MDN1: variants seen among roughly 807,000 people sequenced by gnomAD.
MDN1 encodes midasin AAA ATPase 1, also known as midasin.
MDN1 carries 266 observed loss-of-function variants against 669.2 expected under a neutral mutation model. That is an observed-to-expected ratio of 0.40 (90% CI 0.36 to 0.44). MDN1 has a LOEUF of 0.44. MDN1 is among the 20% of genes least tolerant of loss of function. MDN1 has a pLI of 1.00. For missense variants in MDN1, 5,940 were observed against 6,754.0 expected, an observed-to-expected ratio of 0.88 and a Z score of 4.22; for synonymous variants, 2,385 against 2,457.1, an observed-to-expected ratio of 0.97 and a Z score of 0.87.
intron 91 of MDN1, among the ~76,000 whole-genome samples, chr6:89,656,371 C>G (rs1322005669): frequency 2.0e-5 from 3 of 151,992 alleles, no homozygotes; most frequent in African/African-American, 7.2e-5. Flanking sequence ...TAAAAAAAAA[C>G]TTACTCTTAA....
rs952097472 is a variant in MDN1 at position 89,695,167 on chromosome 6, G to C, written c.9771+438C>G. 6.6e-6 allele frequency among the ~76,000 whole-genome samples: 1 copy of C among 152,190 alleles called. No homozygotes were observed. The highest frequency in any genetic ancestry group is 1.5e-5 in the Non-Finnish European group (1 of 68,038). On this transcript the variant is annotated intron_variant, in intron 61 of 101. Coordinates refer to ENST00000369393, the MANE Select transcript of MDN1 (RefSeq NM_014611.3). This position sits in a 1 kb window ranked among gnomAD's most constrained non-coding sequence, Gnocchi z 4.1. ...GAATTGCTTGAACCCAGGAGGCAGA[G>C]GTTGCAGTGAGCCGAGATTGTGCCA...
At chr6:89,650,677 A>G (rs1204519204) in intron 96 of MDN1, 55 bp downstream of exon 96, 3 of 1,371,112 alleles carry the variant, frequency 2.2e-6, no homozygotes, top group Admixed American at 1.8e-5. Flanking sequence ...AACAGAATCA[A>G]TGAAGCTGCC....
At chr6:89,783,941 C>A (rs1385244914) in intron 9 of MDN1, among the ~76,000 whole-genome samples, 1 of 147,596 alleles carries the variant, frequency 6.8e-6, no homozygotes, top group Non-Finnish European at 1.5e-5. Context: ...AAGATCGTGC[C>A]ACAGAGTACT....
Position 89,760,977 on chromosome 6 carries a change from G to A in MDN1, c.2460+668C>T, listed in dbSNP as rs544030160. Among the ~76,000 whole-genome samples the A allele has an allele frequency of 1.9e-3, 294 of 152,176 alleles. 1 individual carries two copies. Among genetic ancestry groups the A allele is most frequent in the African/African-American group, 6.8e-3 (281 of 41,528 alleles). ...AGATCAAGATCATCCTGGCTAACACGGTGAAACCCCGTCTCTACTAAAAAT... is the reference window on the plus strand; with the variant it reads ...AGATCAAGATCATCCTGGCTAACACAGTGAAACCCCGTCTCTACTAAAAAT... On this transcript the variant is annotated intron_variant, in intron 17 of 101. Transcript: ENST00000369393.
At chr6:89,653,224 G>T in intron 93 of MDN1, 69 bp from the exon 94 acceptor site, 1 of 1,425,760 alleles carries the variant, frequency 7.0e-7, no homozygotes, top group South Asian at 1.3e-5. Flanking sequence ...CTTTGCTATT[G>T]CCTGTTAATC....
chr6:89,813,866 C>T (rs144514516), intron 1 of MDN1, among the ~76,000 whole-genome samples: 2 of 151,520 alleles, frequency 1.3e-5, no homozygotes, highest in African/African-American at 4.8e-5. Flanking sequence ...ACTGCTTGAG[C>T]CCAGGAGTTT....
chr6:89,779,478 G>A (rs1818535999), intron 11 of MDN1, among the ~76,000 whole-genome samples: 1 of 152,274 alleles, frequency 6.6e-6, no homozygotes, highest in Non-Finnish European at 1.5e-5. Context: ...TGGATTTATG[G>A]TGTCTTACAA....
At position 89,695,782 on chromosome 6, in the gene MDN1, G is replaced by A. The variant is rs566904897; in HGVS notation, c.9594C>T (p.Leu3198=). 9.3e-6 allele frequency: 15 copies of A among 1,613,650 alleles called. No individual in the cohort carries two copies. The highest frequency in any genetic ancestry group is 2.7e-5 in the African/African-American group (2 of 75,054). Residue 3198 remains leucine (L), a synonymous_variant, in exon 61 of 102, where the codon CTC becomes CTT. Transcript: ENST00000369393. This position sits in a 1 kb window ranked among gnomAD's most constrained non-coding sequence, Gnocchi z 4.1. ...VLPKELLCQL[L]TSLHHFVGEG... ...CACCAACAAAGTGGTGCAGGGAGGTGAGCAACTGGCAGAGCAGTTCCTTGG... is the reference window on the plus strand; with the variant it reads ...CACCAACAAAGTGGTGCAGGGAGGTAAGCAACTGGCAGAGCAGTTCCTTGG...
At position 89,658,906 on chromosome 6, in the gene MDN1, A is replaced by C; in HGVS notation, c.14725T>G (p.Leu4909Val). Reference protein sequence around the residue: ...DNEEGEEENPLEIKEKPEEAG... With the variant: ...DNEEGEEENPVEIKEKPEEAG... ...TCTTCTGGTTTTTCTTTTATCTCCA[A>C]AGGATTCTCTTCTGTATAGATACAA... The change falls in exon 89 of 102, where the codon TTG (leucine) becomes GTG (valine). Residue 4909 changes from leucine (L) to valine (V), a missense_variant. By Grantham distance (32) the Leu-to-Val change is conservative (BLOSUM62 1). This residue lies in a region of MDN1 where 2,280 missense variants were observed against 2,576.3 expected (regional missense o/e 0.88). Coordinates refer to ENST00000369393, the MANE Select transcript of MDN1 (RefSeq NM_014611.3). 1 of 1,611,594 alleles carries C rather than the reference A, an allele frequency of 6.2e-7. No individual in the cohort carries two copies. The highest frequency in any genetic ancestry group is 8.5e-7 in the Non-Finnish European group (1 of 1,179,300).
intron 33 of MDN1, among the ~76,000 whole-genome samples, chr6:89,734,716 A>AG (rs1562158027): frequency 2.0e-5 from 3 of 146,768 alleles, no homozygotes; most frequent in South Asian, 2.2e-4. Context: ...AGAGAGAGAG[A>AG]ACTCCCTGAT....
intron 93 of MDN1, among the ~76,000 whole-genome samples, chr6:89,653,844 A>G (rs1308453550): frequency 2.6e-5 from 4 of 152,208 alleles, no homozygotes; most frequent in Admixed American, 2.6e-4. Flanking sequence ...CATTTCTCTA[A>G]TACTATACCT....
At chr6:89,796,324 CAAAAAAAAA>C (rs35169575) in intron 2 of MDN1, among the ~76,000 whole-genome samples, 1 of 45,390 alleles carries the variant, frequency 2.2e-5, no homozygotes, top group African/African-American at 1.5e-4. Flanking sequence ...AACTCTGTCT[CAAAAAAAAA>C]AAAAAAAAAA....
chr6:89,747,890 CAAAAAA>C (rs55885838), intron 26 of MDN1, among the ~76,000 whole-genome samples: 2 of 84,042 alleles, frequency 2.4e-5, no homozygotes. Flanking sequence ...GACTCCGTCT[CAAAAAA>C]AAAAAAAAAA....
At chr6:89,688,887 G>C (rs975350706) in intron 65 of MDN1, 79 bp from the exon 66 acceptor site, 3 of 1,201,396 alleles carry the variant, frequency 2.5e-6, no homozygotes, top group Non-Finnish European at 3.6e-6. Flanking sequence ...GTCAGCAACA[G>C]GGCCAGGTGC....
chr6:89,807,036 G>GT (rs1255423489), intron 1 of MDN1, among the ~76,000 whole-genome samples: 3 of 151,974 alleles, frequency 2.0e-5, no homozygotes, highest in African/African-American at 7.2e-5. Flanking sequence ...TTATTTTGAA[G>GT]ATTTCTTAAG....
intron 91 of MDN1, 118 bp from the exon 92 acceptor site, chr6:89,656,086 A>G (rs896458273): frequency 1.1e-5 from 9 of 813,310 alleles, no homozygotes; most frequent in Admixed American, 2.8e-5. Context: ...CCATACAAGA[A>G]TGGAATTCAA....
At chr6:89,737,992 G>C (rs1271124307) in intron 33 of MDN1, among the ~76,000 whole-genome samples, 1 of 152,070 alleles carries the variant, frequency 6.6e-6, no homozygotes, top group African/African-American at 2.4e-5. Context: ...CCAAAGTGCT[G>C]GGATTACAGG....
At chr6:89,724,503 G>A (rs181399903) in intron 38 of MDN1, among the ~76,000 whole-genome samples, 180 of 152,208 alleles carry the variant, frequency 1.2e-3, no homozygotes, top group Middle Eastern at 6.8e-3. Flanking sequence ...GACTGGTCTC[G>A]AACTCCTGAC....
At chr6:89,666,805 C>G (rs61459265) in intron 84 of MDN1, among the ~76,000 whole-genome samples, 21,253 of 152,240 alleles carry the variant, frequency 0.14, 1,745 homozygotes, top group South Asian at 0.18. Context: ...AAGACCTCAT[C>G]TCTTAAAAAT....
Sources: allele counts gnomAD v4.1 joint callset (sites outside exome capture counted in the v4.1 genomes callset), GRCh38; gene constraint gnomAD v4.1.1; regional missense constraint gnomAD v4.1.1; non-coding constraint Gnocchi (gnomAD v3.1); transcripts MANE v1.5; gene names NCBI Gene and HGNC (gene_info 2026-07-23, HGNC 2026-07-21).